AREG: variants seen among roughly 807,000 people sequenced by gnomAD.
The protein encoded by AREG is amphiregulin.
In AREG, 16 loss-of-function variants were observed where a neutral mutation model predicts 28.0. The observed-to-expected ratio is 0.57, with a 90% confidence interval of 0.39 to 0.87. The LOEUF (loss-of-function observed/expected upper bound fraction) is 0.87. Among genes scored for constraint, AREG ranks in the 40% least tolerant of loss-of-function variants. The pLI is 0.00. For synonymous variants in AREG, 113 were observed against 113.5 expected, an observed-to-expected ratio of 1.00 and a Z score of 0.02; for missense variants, 287 against 309.1, an observed-to-expected ratio of 0.93 and a Z score of 0.53.
chr4:74,453,917 T>C (rs1719419734), intron 5 of AREG, among the ~76,000 whole-genome samples: 1 of 141,634 alleles, frequency 7.1e-6, no homozygotes, highest in Non-Finnish European at 1.5e-5. Context: ...CGAAACTCCA[T>C]CTTAAAAAAA....
At chr4:74,447,588 GGAA>G (rs1434142342) in intron 2 of AREG, among the ~76,000 whole-genome samples, 2 of 152,110 alleles carry the variant, frequency 1.3e-5, no homozygotes, top group Admixed American at 6.5e-5. Flanking sequence ...GGAGTCTGAA[GGAA>G]GAAGAAGTTA....
At chr4:74,454,359 G>A (rs1719426346) in intron 5 of AREG, among the ~76,000 whole-genome samples, 1 of 152,094 alleles carries the variant, frequency 6.6e-6, no homozygotes, top group Non-Finnish European at 1.5e-5. Flanking sequence ...TATGCCCTTG[G>A]TACTAATTTT....
At chr4:74,448,302 A>G (rs1444476832) in intron 2 of AREG, among the ~76,000 whole-genome samples, 4 of 152,206 alleles carry the variant, frequency 2.6e-5, no homozygotes, top group African/African-American at 9.6e-5. Flanking sequence ...TACTTTTGTT[A>G]AATGTTATTA....
Position 74,450,427 on chromosome 4 carries a change from A to T in AREG, c.560A>T (p.Lys187Ile), listed in dbSNP as rs1410698182. 1.2e-6 allele frequency: 2 copies of T among 1,613,846 alleles called. No homozygotes were observed. Among genetic ancestry groups the T allele is most frequent in the African/African-American group, 2.7e-5 (2 of 74,938 alleles). ...GAACGGTGTGGGGAAAAGTCCATGA[A>T]AACTCACAGCATGATTGACAGTAGT... ...FGERCGEKSM[K>I]THSMIDSSLS... The change falls in exon 4 of 6, where the codon AAA becomes ATA. Residue 187 changes from lysine to isoleucine, a missense_variant. Transcript: ENST00000395748.
intron 4 of AREG, among the ~76,000 whole-genome samples, chr4:74,451,288 C>T (rs1199996515): frequency 1.3e-5 from 2 of 152,150 alleles, no homozygotes; most frequent in Non-Finnish European, 2.9e-5. Context: ...ATGGCATTGT[C>T]TGTCAAACAG....
At chr4:74,447,861 G>A (rs1719318306) in intron 2 of AREG, among the ~76,000 whole-genome samples, 1 of 152,108 alleles carries the variant, frequency 6.6e-6, no homozygotes. Flanking sequence ...CTGTGAGGTG[G>A]GTAAGGGGTT....
intron 3 of AREG, 114 bp downstream of exon 3, chr4:74,449,362 T>C: frequency 6.5e-7 from 1 of 1,542,442 alleles, no homozygotes; most frequent in Non-Finnish European, 8.8e-7. Context: ...AGTAAACTTT[T>C]TGTTAAAGCA....
At position 74,449,055 on chromosome 4, in the gene AREG, G is replaced by A. The variant is rs1719338222; in HGVS notation, c.319G>A (p.Val107Ile). 5 of 1,608,936 alleles carry A rather than the reference G, an allele frequency of 3.1e-6. No homozygotes were observed. The highest frequency in any genetic ancestry group is 3.4e-5 in the Admixed American group (2 of 58,954). ...AATCTTTTCTTTTTTAGTTGAACAGGTAGTTAAGCCCCCCCAAAACAAGAC... is the reference window on the plus strand; with the variant it reads ...AATCTTTTCTTTTTTAGTTGAACAGATAGTTAAGCCCCCCCAAAACAAGAC... ...IVDDSVRVEQ[V>I]VKPPQNKTES... The change falls in exon 3 of 6, where the codon GTA (valine) becomes ATA (isoleucine). Residue 107 changes from valine (V) to isoleucine (I), a missense_variant. Transcript: ENST00000395748.
chr4:74,447,915 G>A (rs1041737025), intron 2 of AREG, among the ~76,000 whole-genome samples: 1 of 152,216 alleles, frequency 6.6e-6, no homozygotes, highest in Admixed American at 6.5e-5. Context: ...ACCCATCAAG[G>A]TGTCTAGAAA....
At chr4:74,452,754 T>C (rs1349807981) in intron 5 of AREG, 99 bp downstream of exon 5, 1 of 1,019,748 alleles carries the variant, frequency 9.8e-7, no homozygotes, top group Non-Finnish European at 1.4e-6. Context: ...TTCTTAATTA[T>C]ATATACACTA....
chr4:74,452,727 G>A, intron 5 of AREG, 72 bp downstream of exon 5: 2 of 1,299,508 alleles, frequency 1.5e-6, no homozygotes, highest in Non-Finnish European at 1.1e-6. Flanking sequence ...ATAATCTCAA[G>A]AAAAATATGG....
chr4:74,449,934 T>TCTCTCTCTC (rs1719354760), intron 3 of AREG, among the ~76,000 whole-genome samples: 1 of 117,352 alleles, frequency 8.5e-6, no homozygotes, highest in African/African-American at 3.6e-5. Flanking sequence ...CTCTCTCTCT[T>TCTCTCTCTC]TCTTTCTATA....
At chr4:74,455,001 CCAAA>C (rs909716482) in exon 6 of AREG, 38 of 569,246 alleles carry the variant, frequency 6.7e-5, no homozygotes, top group Admixed American at 1.8e-4. Context: ...ACTTTTTTAA[CCAAA>C]CAGATTGAGA....
chr4:74,449,905 G>GCTCTCTCTCTCTCT (rs34389731), intron 3 of AREG, among the ~76,000 whole-genome samples: 8 of 145,628 alleles, frequency 5.5e-5, no homozygotes, highest in African/African-American at 1.8e-4. Flanking sequence ...GCTCCTGCTT[G>GCTCTCTCTCTCTCT]CTCTCTCTCT....
At position 74,445,167 on chromosome 4, in the gene AREG, A is replaced by G; in HGVS notation, c.-179A>G. On this transcript the variant is annotated 5_prime_UTR_variant, in exon 1 of 6. Coordinates refer to ENST00000395748, the MANE Select transcript of AREG (RefSeq NM_001657.4). ...TCGCACACCTGGGTGCCAGCGCCCC[A>G]GAGGTCCCGGGACAGCCCGAGGCGC... 7.2e-7 allele frequency: 1 copy of G among 1,385,718 alleles called. No homozygotes were observed. Among genetic ancestry groups the G allele is most frequent in the Non-Finnish European group, 9.6e-7 (1 of 1,042,256 alleles). 85.8% of individuals were successfully genotyped at this position (1,385,718 alleles called of 1,614,324 possible).
At chr4:74,453,169 A>C (rs1237923556) in intron 5 of AREG, among the ~76,000 whole-genome samples, 2 of 152,152 alleles carry the variant, frequency 1.3e-5, no homozygotes, top group Non-Finnish European at 2.9e-5. Context: ...ACTTGTGAAA[A>C]ATGGCTTAAT....
intron 1 of AREG, among the ~76,000 whole-genome samples, chr4:74,446,114 A>G (rs1719282075): frequency 6.6e-6 from 1 of 152,262 alleles, no homozygotes; most frequent in Non-Finnish European, 1.5e-5. Flanking sequence ...AAATATGAAC[A>G]CATCTGAAGA....
rs961647591 is a variant in AREG at position 74,447,557 on chromosome 4, G to A, written c.310+775G>A. ...GCTTGGAGTGAAAGTACCAAAGTAA[G>A]AGAGAAATATTGCATACTTTGGAGT... On this transcript the variant is annotated intron_variant, in intron 2 of 5. Coordinates refer to ENST00000395748, the MANE Select transcript of AREG (RefSeq NM_001657.4). Among the ~76,000 whole-genome samples, 381 of 152,236 alleles carry A rather than the reference G, an allele frequency of 2.5e-3. 2 individuals carry two copies. Among genetic ancestry groups the A allele is most frequent in the Non-Finnish European group, 3.2e-3 (220 of 68,022 alleles).
chr4:74,445,273 C>A lies in AREG; in HGVS notation c.-73C>A. The A allele has an allele frequency of 1.3e-6, 2 of 1,572,560 alleles. No individual in the cohort carries two copies. The highest frequency in any genetic ancestry group is 1.2e-5 in the South Asian group (1 of 85,678). ...TCCACTCGCTCTTCCAACACCCGCT[C>A]GTTTTGGCGGCAGCTCGTGTCCCAG... is the stretch of plus-strand genomic sequence containing the variant. On this transcript the variant is annotated 5_prime_UTR_variant, in exon 1 of 6. Coordinates refer to ENST00000395748, the MANE Select transcript of AREG (RefSeq NM_001657.4).
Sources: gnomAD v4.1 joint callset for allele counts (sites outside exome capture counted in the v4.1 genomes callset) on GRCh38, gnomAD v4.1.1 for gene constraint, MANE v1.5 for transcripts, NCBI Gene and HGNC (gene_info 2026-07-23, HGNC 2026-07-21) for gene names.